The following ZNF423 variants were observed in gnomAD, a reference collection of about 807,000 sequenced individuals.
The protein encoded by ZNF423 is Ebf-associated zinc finger protein.
Under a neutral mutation model 95.8 loss-of-function variants are expected in ZNF423, and 12 were observed. The ratio of observed to expected loss-of-function variants is 0.13; its 90% CI spans 0.08 to 0.20. The LOEUF (loss-of-function observed/expected upper bound fraction) is 0.20, where lower values mean the gene tolerates loss of function less well. Among genes scored for constraint, ZNF423 ranks in the 10% least tolerant of loss-of-function variants. The probability of loss-of-function intolerance (pLI) is 1.00; values close to 1 mark genes in which losing one functional copy is unlikely to be tolerated. For synonymous variants in ZNF423, 749 were observed against 711.9 expected (o/e 1.05, Z -0.83); for missense variants, 1,316 against 1,737.1 (o/e 0.76, Z 4.31).
chr16:49,795,544 T>A (rs2034484800), intron 1 of ZNF423, among the ~76,000 whole-genome samples: 1 of 152,164 alleles, frequency 6.6e-6, no homozygotes, highest in African/African-American at 2.4e-5. Context: ...AGAGATGGGA[T>A]CCTTCCCAGG....
chr16:49,560,172 T>C (rs1465197914), intron 5 of ZNF423, among the ~76,000 whole-genome samples: 2 of 152,188 alleles, frequency 1.3e-5, no homozygotes, highest in Non-Finnish European at 2.9e-5. Context: ...ATCACGGCAG[T>C]GACGACAGCT....
At position 49,637,615 on chromosome 16, in the gene ZNF423, C is replaced by T. The variant is rs201929999; in HGVS notation, c.1561G>A (p.Gly521Ser). 155 of 1,613,992 alleles carry T rather than the reference C, an allele frequency of 9.6e-5. No individual in the cohort carries two copies. The East Asian group carries it at 2.9e-3, about 31-fold the overall frequency. Residue 521 changes from glycine to serine, a missense_variant, in exon 4 of 8, where the codon GGT becomes AGT. Gly to Ser is a moderately conservative substitution (Grantham distance 56). Around this residue, in one of 6 missense-constraint regions of ZNF423, gnomAD observed 399 missense variants for 478.5 expected, o/e 0.83. Transcript: ENST00000563137. This position sits in a 1 kb window ranked among gnomAD's most constrained non-coding sequence, Gnocchi z 5.6. ...TGGTTGCAGAAGAAAGCATTATTAC[C>T]GTCAGAGGGGTTGGCGTTGGGGCCG... ...HCGPNANPSD[G>S]NNAFFCNQCS... is the part of the protein sequence containing the mutation.
intron 2 of ZNF423, among the ~76,000 whole-genome samples, chr16:49,754,553 T>C (rs1429365905): frequency 6.6e-6 from 1 of 152,108 alleles, no homozygotes; most frequent in Non-Finnish European, 1.5e-5. Context: ...GGCTTCCAGG[T>C]CCTCTTCCAC....
At chr16:49,745,296 C>T (rs2033498451) in intron 2 of ZNF423, among the ~76,000 whole-genome samples, 1 of 152,168 alleles carries the variant, frequency 6.6e-6, no homozygotes, top group African/African-American at 2.4e-5. Context: ...TCCCAAAACA[C>T]TTATGTTACT....
rs572417378 is a variant in ZNF423, at chr16:49,692,466, C to T, written c.301+38305G>A. Among the ~76,000 whole-genome samples the T allele has an allele frequency of 3.3e-4, 51 of 152,284 alleles. 1 individual carries two copies. The highest frequency in any genetic ancestry group is 9.9e-4 in the African/African-American group (41 of 41,534). On this transcript the variant is annotated intron_variant, in intron 3 of 7. Coordinates refer to ENST00000563137, the MANE Select transcript of ZNF423 (RefSeq NM_001379286.1). ...AGACCCCACCCAAACTGACGTGGGA[C>T]GAGGGACTGAAGTCCGATCGGTGTT... is the stretch of plus-strand genomic sequence containing the variant.
intron 1 of ZNF423, among the ~76,000 whole-genome samples, chr16:49,811,744 C>A (rs1005080453): frequency 1.3e-5 from 2 of 151,974 alleles, no homozygotes; most frequent in African/African-American, 4.8e-5. Flanking sequence ...CTACAGCTGG[C>A]CTCCTACCCC....
intron 7 of ZNF423, among the ~76,000 whole-genome samples, chr16:49,504,588 C>G (rs72784270): frequency 0.13 from 19,539 of 152,094 alleles, 1,431 homozygotes; most frequent in East Asian, 0.22. Flanking sequence ...TCACCACCAC[C>G]AACAACAAAA....
At chr16:49,544,792 T>C (rs1401573285) in intron 5 of ZNF423, among the ~76,000 whole-genome samples, 1 of 152,236 alleles carries the variant, frequency 6.6e-6, no homozygotes, top group Non-Finnish European at 1.5e-5. Context: ...GCTCACAGTC[T>C]ACAGGCATCA....
At chr16:49,785,720 C>T (rs1274938058) in intron 2 of ZNF423, among the ~76,000 whole-genome samples, 5 of 152,230 alleles carry the variant, frequency 3.3e-5, no homozygotes, top group Non-Finnish European at 7.3e-5. Context: ...TGTCACCATC[C>T]ACCACGGCCC....
intron 2 of ZNF423, among the ~76,000 whole-genome samples, chr16:49,760,808 T>C (rs1442512450): frequency 2.0e-5 from 3 of 150,346 alleles, no homozygotes; most frequent in Admixed American, 6.7e-5. Context: ...GTGGTTGGGG[T>C]CCCCTCCACC....
chr16:49,517,997 C>T (rs901311866), intron 7 of ZNF423: 6 of 451,460 alleles, frequency 1.3e-5, no homozygotes, highest in East Asian at 7.0e-5. Context: ...TTTTTTCTAC[C>T]GTAAGCTAAA....
chr16:49,723,540 T>C (rs375910381), intron 3 of ZNF423, among the ~76,000 whole-genome samples: 19 of 152,360 alleles, frequency 1.2e-4, no homozygotes, highest in Admixed American at 9.8e-4. Flanking sequence ...GTTTTCACAA[T>C]GTAGAATTTT....
chr16:49,559,683 T>A (rs1005044512), intron 5 of ZNF423, among the ~76,000 whole-genome samples: 28 of 152,222 alleles, frequency 1.8e-4, no homozygotes, highest in Non-Finnish European at 3.2e-4. Flanking sequence ...CCAAGCTCCA[T>A]CTTTTGTGCA....
chr16:49,532,443 C>A (rs530975512), intron 5 of ZNF423, among the ~76,000 whole-genome samples: 1 of 152,190 alleles, frequency 6.6e-6, no homozygotes, highest in Non-Finnish European at 1.5e-5. Context: ...TCCTCCTCCC[C>A]CTGGGGGCAC....
chr16:49,730,681 T>C, intron 3 of ZNF423, 90 bp downstream of exon 3: 1 of 1,345,740 alleles, frequency 7.4e-7, no homozygotes, highest in Non-Finnish European at 1.1e-6. Flanking sequence ...ACATTATTAA[T>C]TCTTTAATCT....
rs924564472 is a variant in ZNF423, at chr16:49,707,747, TA to T, written c.301+23023del. On this transcript the variant is annotated intron_variant, in intron 3 of 7. Transcript: ENST00000563137. ...TTTACTTATGCATCCTCTAATGCTT[TA>T]AAAAAAAATACTAGTGCCCTAAGCA... Among the ~76,000 whole-genome samples the T allele has an allele frequency of 1.3e-4, 20 of 151,684 alleles. No individual in the cohort carries two copies. The East Asian group carries it at 1.4e-3, about 10-fold the overall frequency.
Position 49,730,882 on chromosome 16 carries a change from C to T in ZNF423, c.190G>A (p.Glu64Lys). The T allele has an allele frequency of 6.2e-7, 1 of 1,614,206 alleles. No individual in the cohort carries two copies. The highest frequency in any genetic ancestry group is 8.5e-7 in the Non-Finnish European group (1 of 1,180,048). ...TCATCCTCCATGTCTTCATCATCCT[C>T]ATTTCTCTCCTCTTGACTTGTCACG... Reference protein sequence around the residue: ...NSVTSQEERNEDDEDMEDESI... With the variant: ...NSVTSQEERNKDDEDMEDESI... Residue 64 changes from glutamate to lysine, a missense_variant, in exon 3 of 8, where the codon GAG (glutamate) becomes AAG (lysine). Transcript: ENST00000563137.
intron 5 of ZNF423, among the ~76,000 whole-genome samples, chr16:49,576,151 C>T (rs1195806173): frequency 6.6e-6 from 1 of 152,210 alleles, no homozygotes; most frequent in East Asian, 1.9e-4. Context: ...AGGAAATTGC[C>T]AGAACCAGAC....
At chr16:49,772,301 G>A (rs1359543879) in intron 2 of ZNF423, among the ~76,000 whole-genome samples, 1 of 152,236 alleles carries the variant, frequency 6.6e-6, no homozygotes, top group African/African-American at 2.4e-5. Flanking sequence ...ACCATCAGTG[G>A]ACTGGATGAT....
Sources: allele counts gnomAD v4.1 joint callset (sites outside exome capture counted in the v4.1 genomes callset), GRCh38; gene constraint gnomAD v4.1.1; regional missense constraint gnomAD v4.1.1; non-coding constraint Gnocchi (gnomAD v3.1); transcripts MANE v1.5; gene names NCBI Gene and HGNC (gene_info 2026-07-23, HGNC 2026-07-21).